The following MACROD2 variants were observed in gnomAD, a reference collection of about 807,000 sequenced individuals.
MACROD2 encodes mono-ADP ribosylhydrolase 2.
A neutral mutation model predicts 70.4 loss-of-function variants in MACROD2; 36 were observed. The observed-to-expected ratio is 0.51, with a 90% confidence interval of 0.39 to 0.68. The LOEUF is 0.68. Ranked by LOEUF, MACROD2 falls within the 30% of genes least tolerant of loss-of-function variation. The pLI is 0.00. For synonymous variants in MACROD2, 172 were observed against 178.8 expected (o/e 0.96, Z 0.30); for missense variants, 496 against 538.4 (o/e 0.92, Z 0.78).
At chr20:15,409,066 CTAT>C (rs907817847) in intron 6 of MACROD2, among the ~76,000 whole-genome samples, 1 of 152,040 alleles carries the variant, frequency 6.6e-6, no homozygotes, top group Admixed American at 6.5e-5. Context: ...AATTAAATTA[CTAT>C]TATTATTATT....
intron 4 of MACROD2, among the ~76,000 whole-genome samples, chr20:14,563,897 C>T (rs560964342): frequency 6.6e-6 from 1 of 151,820 alleles, no homozygotes; most frequent in East Asian, 1.9e-4. Flanking sequence ...TGAAAGCAAT[C>T]GTAAGCAAAA....
chr20:15,453,007 T>A (rs2146397025), intron 7 of MACROD2, among the ~76,000 whole-genome samples: 1 of 152,272 alleles, frequency 6.6e-6, no homozygotes, highest in East Asian at 1.9e-4. Context: ...AGGTCCAAAT[T>A]AAAGCAATGT....
intron 5 of MACROD2, among the ~76,000 whole-genome samples, chr20:15,201,091 G>A (rs2076652177): frequency 6.6e-6 from 1 of 151,994 alleles, no homozygotes; most frequent in South Asian, 2.1e-4. Flanking sequence ...CCATAATTTG[G>A]GTAGCTTTAA....
intron 8 of MACROD2, among the ~76,000 whole-genome samples, chr20:15,516,821 G>C (rs922083358): frequency 6.6e-6 from 1 of 152,104 alleles, no homozygotes; most frequent in South Asian, 2.1e-4. Flanking sequence ...GACTGTAGCC[G>C]CAAATCACAG....
chr20:15,596,283 C>T (rs1321849629), intron 8 of MACROD2, among the ~76,000 whole-genome samples: 1 of 152,214 alleles, frequency 6.6e-6, no homozygotes, highest in Non-Finnish European at 1.5e-5. Context: ...AAGAGCTCAA[C>T]AGAAGAGTGG....
At chr20:14,226,763 T>G (rs2081739798) in intron 3 of MACROD2, among the ~76,000 whole-genome samples, 1 of 152,340 alleles carries the variant, frequency 6.6e-6, no homozygotes, top group Admixed American at 6.5e-5. Context: ...GCTCGGGACC[T>G]GCAGCCCGCC....
At chr20:15,613,398 C>A (rs1403380745) in intron 8 of MACROD2, among the ~76,000 whole-genome samples, 1 of 152,160 alleles carries the variant, frequency 6.6e-6, no homozygotes, top group East Asian at 1.9e-4. Context: ...AAACTTATTT[C>A]GGTGCCTGTC....
intron 5 of MACROD2, among the ~76,000 whole-genome samples, chr20:14,714,843 G>T (rs181446497): frequency 1.9e-4 from 29 of 152,088 alleles, no homozygotes; most frequent in Non-Finnish European, 4.0e-4. Context: ...TTACATGTGC[G>T]GTTTCACCAC....
At chr20:14,384,494 G>A (rs1414113334) in intron 3 of MACROD2, among the ~76,000 whole-genome samples, 1 of 152,060 alleles carries the variant, frequency 6.6e-6, no homozygotes, top group Non-Finnish European at 1.5e-5. Context: ...GATGTCCTCT[G>A]GTGTAGATAT....
At chr20:14,497,228 G>C (rs765016404) in intron 4 of MACROD2, among the ~76,000 whole-genome samples, 32 of 151,694 alleles carry the variant, frequency 2.1e-4, no homozygotes, top group Non-Finnish European at 4.3e-4. Context: ...CAATGGCACT[G>C]TCTTACAGTA....
intron 3 of MACROD2, among the ~76,000 whole-genome samples, chr20:14,419,985 A>C (rs2083856945): frequency 6.6e-6 from 1 of 152,076 alleles, no homozygotes; most frequent in South Asian, 2.1e-4. Flanking sequence ...TATTAGAAAT[A>C]ATGTTATAAT....
chr20:15,877,261 A>G (rs894480564), intron 9 of MACROD2, among the ~76,000 whole-genome samples: 1 of 151,970 alleles, frequency 6.6e-6, no homozygotes, highest in African/African-American at 2.4e-5. Flanking sequence ...TAAATTCAAA[A>G]TCTGTTTCTC....
chr20:14,591,663 G>A (rs1450876670), intron 4 of MACROD2, among the ~76,000 whole-genome samples: 1 of 152,140 alleles, frequency 6.6e-6, no homozygotes, highest in Non-Finnish European at 1.5e-5. Flanking sequence ...GCCTCATAAA[G>A]TTTGAGGAGA....
intron 6 of MACROD2, among the ~76,000 whole-genome samples, chr20:15,262,132 A>G (rs909521817): frequency 6.6e-6 from 1 of 151,972 alleles, no homozygotes; most frequent in Non-Finnish European, 1.5e-5. Context: ...GCTATCAAAT[A>G]CTAGATCTTA....
At chr20:15,740,361 A>C (rs1204803133) in intron 8 of MACROD2, among the ~76,000 whole-genome samples, 1 of 152,186 alleles carries the variant, frequency 6.6e-6, no homozygotes, top group South Asian at 2.1e-4. Context: ...TGTTATTACT[A>C]TCTATAGCAG....
intron 8 of MACROD2, among the ~76,000 whole-genome samples, chr20:15,636,489 A>AG (rs1568943575): frequency 6.6e-6 from 1 of 152,070 alleles, no homozygotes; most frequent in African/African-American, 2.4e-5. Flanking sequence ...TCAACCCTAT[A>AG]GGGGGCAGTT....
At chr20:14,159,709 TTTTC>T (rs1430994729) in intron 3 of MACROD2, among the ~76,000 whole-genome samples, 2 of 152,192 alleles carry the variant, frequency 1.3e-5, no homozygotes, top group Non-Finnish European at 2.9e-5. Flanking sequence ...TTTGGATGTC[TTTTC>T]TTTGTTTCTC....
intron 1 of MACROD2, among the ~76,000 whole-genome samples, chr20:13,996,026 T>G (rs1259405976): frequency 6.6e-6 from 1 of 152,098 alleles, no homozygotes; most frequent in African/African-American, 2.4e-5. Flanking sequence ...CTCGCGCACG[T>G]GTGGGCGCAC....
At chr20:14,275,745 T>C (rs1318589680) in intron 3 of MACROD2, among the ~76,000 whole-genome samples, 1 of 152,140 alleles carries the variant, frequency 6.6e-6, no homozygotes, top group East Asian at 1.9e-4. Flanking sequence ...GACAAAGGGC[T>C]AATATCCAGA....
Sources: gnomAD v4.1 joint callset for allele counts (sites outside exome capture counted in the v4.1 genomes callset) on GRCh38, gnomAD v4.1.1 for gene constraint, MANE v1.5 for transcripts, NCBI Gene and HGNC (gene_info 2026-07-23, HGNC 2026-07-21) for gene names.